F13A1: variants seen among roughly 807,000 people sequenced by gnomAD.
F13A1 encodes the protein FSF, A subunit.
In F13A1, 47 loss-of-function variants were observed where a neutral mutation model predicts 80.1. The observed-to-expected ratio is 0.59, with a 90% CI of 0.46 to 0.75. The LOEUF (loss-of-function observed/expected upper bound fraction) is 0.75, where lower values mean the gene tolerates loss of function less well. F13A1 is among the 30% of genes least tolerant of loss of function. The probability of loss-of-function intolerance (pLI) is 0.00; values close to 1 mark genes in which losing one functional copy is unlikely to be tolerated. For synonymous variants in F13A1, 349 were observed against 344.9 expected (o/e 1.01, Z -0.13); for missense variants, 817 against 930.4 (o/e 0.88, Z 1.59).
intron 3 of F13A1, among the ~76,000 whole-genome samples, chr6:6,287,698 G>C (rs1758158252): frequency 6.6e-6 from 1 of 152,218 alleles, no homozygotes; most frequent in South Asian, 2.1e-4. Context: ...GGGCAGGGCT[G>C]AGGAAGCACA....
Position 6,249,116 on chromosome 6 carries a change from A to G in F13A1, c.691-697T>C, listed in dbSNP as rs145763421. Among the ~76,000 whole-genome samples the G allele has an allele frequency of 1.5e-3, 228 of 152,376 alleles. 1 individual carries two copies. Among genetic ancestry groups the G allele is most frequent in the African/African-American group, 5.3e-3 (222 of 41,594 alleles). The stretch of plus-strand genomic sequence containing the variant: ...AGGAATAAAGATCAAATAGCAAGAC[A>G]GGAAGATTTTACCTATACTGTACCT... On this transcript the variant is annotated intron_variant, in intron 5 of 14. Transcript: ENST00000264870.
intron 6 of F13A1, among the ~76,000 whole-genome samples, chr6:6,245,682 C>T (rs753574920): frequency 3.9e-5 from 6 of 152,148 alleles, no homozygotes; most frequent in Admixed American, 6.5e-5. Flanking sequence ...GGGCCCCAGT[C>T]GTGTGCTCTG....
At chr6:6,293,425 C>T (rs371230065) in intron 3 of F13A1, among the ~76,000 whole-genome samples, 4 of 151,952 alleles carry the variant, frequency 2.6e-5, no homozygotes, top group South Asian at 4.2e-4. Flanking sequence ...CATGATTTGT[C>T]GAGGCTGCAG....
At chr6:6,154,845 C>T (rs1190313023) in intron 13 of F13A1, among the ~76,000 whole-genome samples, 1 of 152,194 alleles carries the variant, frequency 6.6e-6, no homozygotes, top group African/African-American at 2.4e-5. Context: ...GCTCTCTAAA[C>T]TGAAGAAGAT....
intron 10 of F13A1, among the ~76,000 whole-genome samples, chr6:6,195,307 C>T (rs1430162338): frequency 6.6e-6 from 1 of 152,210 alleles, no homozygotes; most frequent in Non-Finnish European, 1.5e-5. Flanking sequence ...ACCCTCCCTC[C>T]CTGGCCACAG....
At chr6:6,245,732 A>G (rs1209063276) in intron 6 of F13A1, among the ~76,000 whole-genome samples, 1 of 152,118 alleles carries the variant, frequency 6.6e-6, no homozygotes, top group Non-Finnish European at 1.5e-5. Flanking sequence ...CCAGATACCC[A>G]GCAAAGACTG....
At chr6:6,258,943 A>G (rs1757742015) in intron 4 of F13A1, among the ~76,000 whole-genome samples, 1 of 152,104 alleles carries the variant, frequency 6.6e-6, no homozygotes, top group South Asian at 2.1e-4. Context: ...CTTCTTGTGC[A>G]CTGACTTATT....
At chr6:6,193,949 C>T (rs1761246203) in intron 10 of F13A1, among the ~76,000 whole-genome samples, 1 of 152,234 alleles carries the variant, frequency 6.6e-6, no homozygotes, top group African/African-American at 2.4e-5. Flanking sequence ...ACTGCCACGG[C>T]AGGTACGATG....
chr6:6,226,152 G>A (rs755623362), intron 6 of F13A1, among the ~76,000 whole-genome samples: 1 of 152,168 alleles, frequency 6.6e-6, no homozygotes, highest in Non-Finnish European at 1.5e-5. Context: ...TTGGTGTAAC[G>A]TTGATCATGT....
intron 8 of F13A1, among the ~76,000 whole-genome samples, chr6:6,207,438 G>A (rs1244212346): frequency 1.3e-5 from 2 of 152,048 alleles, no homozygotes; most frequent in African/African-American, 4.8e-5. Context: ...ATGCCTGAAG[G>A]GGCAATACCA....
In F13A1 at chr6:6,293,725, AGAAGGGAG is replaced by A. The variant is rs568302271; in HGVS notation, c.319+11618_319+11625del. 3.6e-3 allele frequency among the ~76,000 whole-genome samples: 524 copies of A among 145,410 alleles called. 1 individual carries two copies. The highest frequency in any genetic ancestry group is 0.012 in the African/African-American group (480 of 39,912). On this transcript the variant is annotated intron_variant, in intron 3 of 14. Coordinates refer to ENST00000264870, the MANE Select transcript of F13A1 (RefSeq NM_000129.4). Reference sequence around the variant, plus strand: ...TTAGAAAGAAAGAAGGAAGAAGGAAAGAAGGGAGGAAGGGAGGAAGGGAGGGAGGAAGG... The same window carrying A: ...TTAGAAAGAAAGAAGGAAGAAGGAAAGAAGGGAGGAAGGGAGGGAGGAAGG...
chr6:6,200,668 G>A (rs1044731473), intron 8 of F13A1, among the ~76,000 whole-genome samples: 1 of 152,150 alleles, frequency 6.6e-6, no homozygotes, highest in Middle Eastern at 3.2e-3. Flanking sequence ...AAAAGAGACT[G>A]AGGCATGTTC....
chr6:6,299,712 G>C (rs1482875799), intron 3 of F13A1, among the ~76,000 whole-genome samples: 1 of 145,032 alleles, frequency 6.9e-6, no homozygotes, highest in Non-Finnish European at 1.5e-5. Flanking sequence ...CCGTAGCTCA[G>C]AGTAATTTGA....
chr6:6,284,014 G>A (rs1273099219), intron 3 of F13A1, among the ~76,000 whole-genome samples: 2 of 152,226 alleles, frequency 1.3e-5, no homozygotes, highest in African/African-American at 4.8e-5. Context: ...GGATGATTGA[G>A]TACCACAAGG....
intron 3 of F13A1, among the ~76,000 whole-genome samples, chr6:6,291,634 AAC>A (rs1158423207): frequency 6.6e-6 from 1 of 152,078 alleles, no homozygotes; most frequent in African/African-American, 2.4e-5. Context: ...TTCCTCTTGA[AAC>A]ACACAACTCT....
intron 6 of F13A1, among the ~76,000 whole-genome samples, chr6:6,237,299 C>G (rs1757426373): frequency 6.6e-6 from 1 of 152,074 alleles, no homozygotes; most frequent in South Asian, 2.1e-4. Context: ...ATTCCATGGG[C>G]AGGCATCCCA....
At chr6:6,152,985 A>T (rs910567831) in intron 13 of F13A1, among the ~76,000 whole-genome samples, 2 of 152,268 alleles carry the variant, frequency 1.3e-5, no homozygotes, top group East Asian at 3.8e-4. Context: ...TGCAAGGCAC[A>T]TGGCAAAGGC....
At chr6:6,245,376 C>T (rs947683811) in intron 6 of F13A1, among the ~76,000 whole-genome samples, 1 of 152,108 alleles carries the variant, frequency 6.6e-6, no homozygotes, top group Non-Finnish European at 1.5e-5. Flanking sequence ...GCATGCATCA[C>T]CATGCCTGGC....
chr6:6,283,757 G>T (rs1758098553), intron 3 of F13A1, among the ~76,000 whole-genome samples: 1 of 151,908 alleles, frequency 6.6e-6, no homozygotes, highest in African/African-American at 2.4e-5. Context: ...CACCAATCTT[G>T]ATTCTTCAAA....
Sources: gnomAD v4.1 joint callset for allele counts (sites outside exome capture counted in the v4.1 genomes callset) on GRCh38, gnomAD v4.1.1 for gene constraint, MANE v1.5 for transcripts, NCBI Gene and HGNC (gene_info 2026-07-23, HGNC 2026-07-21) for gene names.